CPLANE1: variants seen among roughly 807,000 people sequenced by gnomAD.
The protein encoded by CPLANE1 is ciliogenesis and planar polarity effector 1.
A neutral mutation model predicts 362.5 loss-of-function variants in CPLANE1; 263 were observed. The ratio of observed to expected loss-of-function variants is 0.73; its 90% CI spans 0.66 to 0.80. The LOEUF is 0.80. Ranked by LOEUF, CPLANE1 falls within the 30% of genes least tolerant of loss-of-function variation. CPLANE1 has a pLI of 0.00. For missense variants in CPLANE1, 3,461 were observed against 3,793.4 expected, an observed-to-expected ratio of 0.91 and a Z score of 2.30; for synonymous variants, 1,212 against 1,302.6, an observed-to-expected ratio of 0.93 and a Z score of 1.50.
At chr5:37,114,484 G>A (rs1760309857) in intron 51 of CPLANE1, among the ~76,000 whole-genome samples, 1 of 152,222 alleles carries the variant, frequency 6.6e-6, no homozygotes, top group South Asian at 2.1e-4. Flanking sequence ...TACAGAGTAA[G>A]TGGTTAACTT....
intron 51 of CPLANE1, among the ~76,000 whole-genome samples, chr5:37,111,846 A>T (rs1759437236): frequency 6.6e-6 from 1 of 152,192 alleles, no homozygotes. Flanking sequence ...TAAAGGAAAA[A>T]ATCTACGAGC....
intron 20 of CPLANE1, among the ~76,000 whole-genome samples, chr5:37,196,290 G>A (rs1000202690): frequency 1.3e-5 from 2 of 151,806 alleles, no homozygotes; most frequent in East Asian, 3.9e-4. Context: ...GCATAGCAAA[G>A]AAAATAAAGA....
At chr5:37,195,327 G>T (rs568283816) in intron 21 of CPLANE1, among the ~76,000 whole-genome samples, 9 of 152,146 alleles carry the variant, frequency 5.9e-5, no homozygotes, top group Non-Finnish European at 1.3e-4. Context: ...TAGGTCAGGC[G>T]CAATGGCTCA....
Position 37,226,476 on chromosome 5 carries a change from G to A in CPLANE1, c.2119C>T (p.Pro707Ser), listed in dbSNP as rs1281104449. The A allele has an allele frequency of 5.8e-6, 9 of 1,550,602 alleles. No individual in the cohort carries two copies. The highest frequency in any genetic ancestry group is 1.7e-4 in the Middle Eastern group (1 of 6,006). Residue 707 changes from proline to serine, a missense_variant, in exon 12 of 53, where the codon CCT becomes TCT. By Grantham distance (74) the Pro-to-Ser change is moderately conservative. This residue lies in a region of CPLANE1 where 3,380 missense variants were observed against 3,666.1 expected (regional missense o/e 0.92). Transcript: ENST00000651892. ...DNLNGVYILQPEVISASADGS... is the reference protein window; with the variant it reads ...DNLNGVYILQSEVISASADGS... ...TCAGCTGATGCTGAAATAACTTCAG[G>A]TTGAAGAATGTATACACCATTTAAA...
rs1027986417 is a variant in CPLANE1, at chr5:37,239,843, G to A, written c.704C>T (p.Ala235Val). The A allele has an allele frequency of 2.6e-6, 4 of 1,522,440 alleles. No homozygotes were observed. The highest frequency in any genetic ancestry group is 3.5e-6 in the Non-Finnish European group (4 of 1,129,786). 94.3% of individuals were successfully genotyped at this position (1,522,440 alleles called of 1,614,324 possible). The change falls in exon 7 of 53, where the codon GCT becomes GTT. Residue 235 changes from alanine (A) to valine (V), a missense_variant. Physicochemically the swap from Ala to Val is moderately conservative, Grantham distance 64. This residue lies in a region of CPLANE1 where 3,380 missense variants were observed against 3,666.1 expected (regional missense o/e 0.92). Coordinates refer to ENST00000651892, the MANE Select transcript of CPLANE1 (RefSeq NM_001384732.1). ...ACTACAGAGATGACAGTCTTGTTGAGCCCAATGAACATGGTATGGCAATGA... is the reference window on the plus strand; with the variant it reads ...ACTACAGAGATGACAGTCTTGTTGAACCCAATGAACATGGTATGGCAATGA... The part of the protein sequence containing the change: ...VRSLPYHVHW[A>V]QQDCHLCSLI...
At position 37,122,587 on chromosome 5, in the gene CPLANE1, C is replaced by T. The variant is rs544926381; in HGVS notation, c.8959-99G>A. 4.3e-5 allele frequency: 37 copies of T among 860,786 alleles called. No individual in the cohort carries two copies. In the South Asian group the frequency reaches 5.0e-4, roughly 12 times the overall value. The allele number at this position is 860,786 out of a possible 1,614,324, so 53.3% of individuals were successfully genotyped here. A position where few individuals can be genotyped will look rare whatever the true frequency, so the allele number is the denominator to read the frequency against. On this transcript the variant is annotated intron_variant, in intron 47 of 52. Transcript: ENST00000651892. ...TTTAGGAAACAGTACAAAACACTGT[C>T]GTGTTTGATGAAGCTTCCTACTCTA...
At chr5:37,087,227 G>C in the CPLANE1 span, among the ~76,000 whole-genome samples, 1 of 152,074 alleles carries the variant, frequency 6.6e-6, no homozygotes, top group African/African-American at 2.4e-5. Flanking sequence ...TTATGCACAA[G>C]GGCAACAGGT....
At chr5:37,179,987 C>CAA (rs746831438) in intron 28 of CPLANE1, 30 bp downstream of exon 28, 1 of 1,478,562 alleles carries the variant, frequency 6.8e-7, no homozygotes, top group South Asian at 1.4e-5. Flanking sequence ...TTAATAAAGC[C>CAA]AAAAAAATAG....
At chr5:37,198,467 AT>A (rs1278194685) in intron 20 of CPLANE1, among the ~76,000 whole-genome samples, 2 of 152,126 alleles carry the variant, frequency 1.3e-5, no homozygotes, top group Non-Finnish European at 2.9e-5. Context: ...CCTGGAATTA[AT>A]GGACTAGATT....
intron 50 of CPLANE1, among the ~76,000 whole-genome samples, chr5:37,118,013 T>C (rs1761528875): frequency 6.6e-6 from 1 of 152,212 alleles, no homozygotes; most frequent in Admixed American, 6.5e-5. Flanking sequence ...AGGTACAAAA[T>C]AAGTTTTTTT....
In CPLANE1 at chr5:37,106,301, TCCA is replaced by T. The variant is rs1400681919; in HGVS notation, c.*1298_*1300del. The T allele has an allele frequency of 1.3e-5, 2 of 152,824 alleles. No individual in the cohort carries two copies. The highest frequency in any genetic ancestry group is 4.8e-5 in the African/African-American group (2 of 41,460). The allele number at this position is 152,824 out of a possible 1,614,324, so 9.5% of individuals were successfully genotyped here. Reference sequence around the variant, plus strand: ...CTAAGATATAGAATTGATATAAGTATCCAACAATGGATAAATAGCTAGAAGAAA... The same window carrying T: ...CTAAGATATAGAATTGATATAAGTATACAATGGATAAATAGCTAGAAGAAA... On this transcript the variant is annotated 3_prime_UTR_variant, in exon 53 of 53. Coordinates refer to ENST00000651892, the MANE Select transcript of CPLANE1 (RefSeq NM_001384732.1).
chr5:37,229,247 C>T (rs750482344), intron 9 of CPLANE1, among the ~76,000 whole-genome samples: 4 of 149,314 alleles, frequency 2.7e-5, no homozygotes, highest in Admixed American at 6.7e-5. Context: ...AATTAAATGT[C>T]ATTTTTGCTA....
At chr5:37,212,492 A>AT (rs1211936979) in intron 16 of CPLANE1, 1 of 595,732 alleles carries the variant, frequency 1.7e-6, no homozygotes, top group African/African-American at 1.9e-5. Context: ...AAAATGTGTA[A>AT]TCCAAAAAAA....
At chr5:37,121,836 T>C (rs1181840217) in intron 48 of CPLANE1, 52 bp from the exon 49 acceptor site, 9 of 1,469,118 alleles carry the variant, frequency 6.1e-6, no homozygotes, top group Non-Finnish European at 6.6e-6. Flanking sequence ...TCAGTTCATC[T>C]ATCCAGAGGG....
downstream of CPLANE1, among the ~76,000 whole-genome samples, chr5:37,106,034 A>G (rs994046594): frequency 6.6e-6 from 1 of 152,220 alleles, no homozygotes; most frequent in African/African-American, 2.4e-5. Context: ...ATTTCCAGCA[A>G]AAGATGGAAA....
chr5:37,129,754 C>T (rs1765230061), intron 46 of CPLANE1, among the ~76,000 whole-genome samples: 1 of 152,126 alleles, frequency 6.6e-6, no homozygotes, highest in Non-Finnish European at 1.5e-5. Context: ...TAGATGTTGG[C>T]AGGGATGCGG....
chr5:37,142,659 C>A (rs1770137065), intron 43 of CPLANE1, 179 bp from the exon 44 acceptor site: 1 of 416,608 alleles, frequency 2.4e-6, no homozygotes, highest in African/African-American at 2.1e-5. Context: ...TAAAGCTCTC[C>A]CACAGTAAAT....
At chr5:37,141,757 T>C (rs1769793983) in intron 44 of CPLANE1, 1 of 981,540 alleles carries the variant, frequency 1.0e-6, no homozygotes, top group Admixed American at 6.2e-5. Flanking sequence ...CAAAGTATAT[T>C]CATTAGGACT....
intron 21 of CPLANE1, among the ~76,000 whole-genome samples, chr5:37,190,741 TTA>T (rs1785304271): frequency 6.6e-6 from 1 of 152,126 alleles, no homozygotes; most frequent in East Asian, 1.9e-4. Context: ...ACCCATAAGA[TTA>T]TAATGGAGCT....
Sources: gnomAD v4.1 joint callset for allele counts (sites outside exome capture counted in the v4.1 genomes callset) on GRCh38, gnomAD v4.1.1 for gene constraint, gnomAD v4.1.1 regional missense constraint, MANE v1.5 for transcripts, NCBI Gene and HGNC (gene_info 2026-07-23, HGNC 2026-07-21) for gene names.